The following ROBO2 variants were observed in gnomAD, a reference collection of about 807,000 sequenced individuals.
The protein encoded by ROBO2 is roundabout homolog 2.
Under a neutral mutation model 160.8 loss-of-function variants are expected in ROBO2, and 53 were observed. That is an observed-to-expected ratio of 0.33 (90% confidence interval 0.26 to 0.41). The LOEUF is 0.41. Ranked by LOEUF, ROBO2 falls within the 10% of genes least tolerant of loss-of-function variation. The pLI, the probability that ROBO2 is intolerant of heterozygous loss-of-function variation, is 1.00. For missense variants in ROBO2, 1,577 were observed against 1,722.4 expected (o/e 0.92, Z 1.49); for synonymous variants, 664 against 611.7 (o/e 1.09, Z -1.26).
rs566049350 is a variant in ROBO2, at chr3:76,986,588, C to T, written c.110-111426C>T. 3.0e-3 allele frequency among the ~76,000 whole-genome samples: 456 copies of T among 152,002 alleles called. 1 individual carries two copies. The highest frequency in any genetic ancestry group is 5.0e-3 in the Non-Finnish European group (339 of 67,952). On this transcript the variant is annotated intron_variant, in intron 2 of 26. Transcript: ENST00000487694. ...TCACCAAAATAACTTAAGAATATTACAATTTTTAAAAAACAGATTCTTTTT... is the reference window on the plus strand; with the variant it reads ...TCACCAAAATAACTTAAGAATATTATAATTTTTAAAAAACAGATTCTTTTT...
At chr3:76,195,962 C>T (rs908610186) in intron 2 of ROBO2, among the ~76,000 whole-genome samples, 7 of 152,034 alleles carry the variant, frequency 4.6e-5, no homozygotes. Flanking sequence ...GACCTAGAAC[C>T]CTCAAGAAGT....
At position 76,980,796 on chromosome 3, in the gene ROBO2, C is replaced by A. The variant is rs1412061487; in HGVS notation, c.110-117218C>A. Among the ~76,000 whole-genome samples the A allele has an allele frequency of 3.3e-5, 5 of 152,058 alleles. No homozygotes were observed. In the East Asian group the frequency reaches 9.7e-4, roughly 29 times the overall value. ...TGCAAAATTTACCACAATTGTAGAC[C>A]ATTTTTATTGTATCAAGAAAACCCT... On this transcript the variant is annotated intron_variant, in intron 2 of 26. Coordinates refer to the ROBO2 transcript ENST00000487694.
chr3:76,937,292 TTTTAAATGTTATGAGAAAA>T, intron 2 of ROBO2, among the ~76,000 whole-genome samples: 1 of 152,300 alleles, frequency 6.6e-6, no homozygotes, highest in African/African-American at 2.4e-5. Flanking sequence ...CTATGCTACC[TTTTAAATGTTATGAGAAAA>T]GCTTTGCAAA....
intron 2 of ROBO2, among the ~76,000 whole-genome samples, chr3:76,275,820 A>T (rs919127145): frequency 1.3e-5 from 2 of 152,106 alleles, no homozygotes; most frequent in African/African-American, 4.8e-5. Context: ...AATAATTCCC[A>T]CCTGTAAATG....
intron 5 of ROBO2, among the ~76,000 whole-genome samples, chr3:77,511,124 G>T (rs2153615689): frequency 6.6e-6 from 1 of 152,096 alleles, no homozygotes; most frequent in Non-Finnish European, 1.5e-5. Context: ...AGAATGAGAT[G>T]ACAGGAGAAG....
At chr3:77,134,450 T>A (rs1355817679) in intron 2 of ROBO2, among the ~76,000 whole-genome samples, 1 of 152,202 alleles carries the variant, frequency 6.6e-6, no homozygotes, top group Non-Finnish European at 1.5e-5. Flanking sequence ...ATACCTTGCT[T>A]TCCAGGTATC....
intron 2 of ROBO2, among the ~76,000 whole-genome samples, chr3:75,948,306 G>T (rs1948397566): frequency 1.3e-5 from 2 of 152,066 alleles, no homozygotes; most frequent in African/African-American, 4.8e-5. Flanking sequence ...TTTCAAAATT[G>T]GAGACTGTGT....
chr3:76,389,207 A>G (rs947328149), intron 2 of ROBO2, among the ~76,000 whole-genome samples: 2 of 152,200 alleles, frequency 1.3e-5, no homozygotes, highest in Non-Finnish European at 2.9e-5. Context: ...AGCAGTAAAA[A>G]CTTATTGACT....
intron 2 of ROBO2, among the ~76,000 whole-genome samples, chr3:77,183,215 A>C (rs1560182798): frequency 1.3e-5 from 2 of 152,006 alleles, no homozygotes. Flanking sequence ...CTCCCCCATA[A>C]GCTTTAAAAA....
At chr3:76,750,628 A>C (rs2093968687) in intron 2 of ROBO2, among the ~76,000 whole-genome samples, 1 of 152,144 alleles carries the variant, frequency 6.6e-6, no homozygotes, top group Non-Finnish European at 1.5e-5. Context: ...TGCAAAAATC[A>C]CAAGCATTCC....
intron 2 of ROBO2, among the ~76,000 whole-genome samples, chr3:77,439,496 G>A (rs1168642794): frequency 6.6e-6 from 1 of 151,770 alleles, no homozygotes; most frequent in Non-Finnish European, 1.5e-5. Flanking sequence ...TGAAAAAGAT[G>A]GACTGCATTT....
intron 2 of ROBO2, among the ~76,000 whole-genome samples, chr3:76,595,131 G>C (rs1194746658): frequency 2.0e-5 from 3 of 151,948 alleles, no homozygotes; most frequent in Admixed American, 2.0e-4. Flanking sequence ...TGGGCACACT[G>C]ATCTTGGAAT....
chr3:76,890,345 T>G (rs527918636), intron 2 of ROBO2, among the ~76,000 whole-genome samples: 1 of 152,212 alleles, frequency 6.6e-6, no homozygotes, highest in Non-Finnish European at 1.5e-5. Flanking sequence ...CAGTGAAGAT[T>G]TGAGCCCAGT....
intron 2 of ROBO2, among the ~76,000 whole-genome samples, chr3:76,863,889 T>A (rs1189056790): frequency 6.6e-6 from 1 of 152,076 alleles, no homozygotes; most frequent in Non-Finnish European, 1.5e-5. Flanking sequence ...AATAATTGTC[T>A]TTTGTTGAAG....
chr3:76,142,571 A>G (rs2071713806), intron 2 of ROBO2, among the ~76,000 whole-genome samples: 1 of 152,040 alleles, frequency 6.6e-6, no homozygotes, highest in Non-Finnish European at 1.5e-5. Flanking sequence ...AGAAAGACAG[A>G]CATCAGATAT....
chr3:76,948,579 A>ATTTT (rs757654181), intron 2 of ROBO2, among the ~76,000 whole-genome samples: 4 of 93,666 alleles, frequency 4.3e-5, no homozygotes, highest in Admixed American at 1.1e-4. Context: ...TTATAATCTA[A>ATTTT]TTTTTTTTTT....
At chr3:77,158,749 A>G (rs1212084655) in intron 2 of ROBO2, among the ~76,000 whole-genome samples, 3 of 152,128 alleles carry the variant, frequency 2.0e-5, no homozygotes, top group Non-Finnish European at 1.5e-5. Context: ...GTGAGTGTTC[A>G]GTGCGGAGCT....
In ROBO2 at chr3:75,983,827, A is replaced by G. The variant is rs572095938; in HGVS notation, c.109+46225A>G. On this transcript the variant is annotated intron_variant, in intron 2 of 26. Coordinates refer to the ROBO2 transcript ENST00000487694. ...GTTGGCATGACATCATCTGAAAACT[A>G]TGAAAACTCACTTGTCAAAAGTCTG... Among the ~76,000 whole-genome samples the G allele has an allele frequency of 9.2e-5, 14 of 151,582 alleles. No homozygotes were observed. In the South Asian group the frequency reaches 2.9e-3, roughly 31 times the overall value.
At position 76,390,365 on chromosome 3, in the gene ROBO2, CTGTA is replaced by C. The variant is rs1315926949; in HGVS notation, c.109+452769_109+452772del. Among the ~76,000 whole-genome samples the C allele has an allele frequency of 2.6e-5, 4 of 152,000 alleles. No homozygotes were observed. In the South Asian group the frequency reaches 8.3e-4, roughly 32 times the overall value. ...ATAATAACTATATATATAAACTATT[CTGTA>C]TGTATTTGCATTTATATTTTGAAAC... On this transcript the variant is annotated intron_variant, in intron 2 of 26. Transcript: ENST00000487694.
Sources: gnomAD v4.1 joint callset for allele counts (sites outside exome capture counted in the v4.1 genomes callset) on GRCh38, gnomAD v4.1.1 for gene constraint, MANE v1.5 for transcripts, NCBI Gene and HGNC (gene_info 2026-07-23, HGNC 2026-07-21) for gene names.